The following APOOL variants were observed in gnomAD, a reference collection of about 807,000 sequenced individuals.
The protein encoded by APOOL is MICOS complex subunit MIC27.
A neutral mutation model predicts 23.1 loss-of-function variants in APOOL; 12 were observed. The ratio of observed to expected loss-of-function variants is 0.52; its 90% CI spans 0.33 to 0.84. The LOEUF is 0.84. APOOL is among the 40% of genes least tolerant of loss of function. APOOL has a pLI of 0.02. For missense variants in APOOL, 212 were observed against 199.6 expected (o/e 1.06, Z -0.37); for synonymous variants, 77 against 69.9 (o/e 1.10, Z -0.51).
chrX:85,059,690 C>G (rs2147652371), intron 5 of APOOL, among the ~76,000 whole-genome samples: 1 of 110,116 alleles, frequency 9.1e-6, no homozygotes, highest in African/African-American at 3.3e-5. Context: ...TGAGAAGTGT[C>G]TGTTCATATC....
chrX:85,032,618 A>G (rs1038688073), intron 1 of APOOL, among the ~76,000 whole-genome samples: 2 of 111,907 alleles, frequency 1.8e-5, no homozygotes, highest in Non-Finnish European at 1.9e-5. Context: ...TTGATCTAAG[A>G]TAAAATTTTG....
Position 85,074,356 on chromosome X carries a change from G to T in APOOL, c.683G>T (p.Ser228Ile). Reference sequence around the variant, plus strand: ...TCAGTGCCCTTGCCAACAGAACTCAGCTCTGAAGCAAAGACCAAATCAGAA... The same window carrying T: ...TCAGTGCCCTTGCCAACAGAACTCATCTCTGAAGCAAAGACCAAATCAGAA... ...KHSVPLPTEL[S>I]SEAKTKSEST... is the part of the protein sequence containing the mutation. The change falls in exon 8 of 9, where the codon AGC (serine) becomes ATC (isoleucine). Residue 228 changes from serine (S) to isoleucine (I), a missense_variant. Transcript: ENST00000373173. The T allele has an allele frequency of 8.3e-7, 1 of 1,211,080 alleles. No individual in the cohort carries two copies. Among genetic ancestry groups the T allele is most frequent in the Non-Finnish European group, 1.1e-6 (1 of 894,939 alleles).
intron 1 of APOOL, among the ~76,000 whole-genome samples, chrX:85,020,875 C>G (rs767078094): frequency 9.0e-6 from 1 of 111,537 alleles, no homozygotes; most frequent in Non-Finnish European, 1.9e-5. Flanking sequence ...TCCAGGCCTC[C>G]CTAGTGCTAG....
intron 1 of APOOL, among the ~76,000 whole-genome samples, chrX:85,019,640 T>C (rs974805398): frequency 9.0e-6 from 1 of 111,674 alleles, no homozygotes; most frequent in Non-Finnish European, 1.9e-5. Context: ...TGCTGTGGCA[T>C]TTGGGGACTG....
Position 85,067,152 on chromosome X carries a change from T to C in APOOL, c.420T>C (p.Tyr140=), listed in dbSNP as rs1466149505. 1 of 1,157,587 alleles carries C rather than the reference T, an allele frequency of 8.6e-7. No homozygotes were observed. The highest frequency in any genetic ancestry group is 1.2e-6 in the Non-Finnish European group (1 of 865,745). Residue 140 remains tyrosine (Y), a synonymous_variant, in exon 6 of 9, where the codon TAT becomes TAC. Coordinates refer to ENST00000373173, the MANE Select transcript of APOOL (RefSeq NM_198450.6). The part of the protein sequence containing the change: ...RKGSKFKKIT[Y]PLGLATLGAT... ...GTTCCAAGTTTAAGAAAATTACTTATCCTCTGGGACTGGCCACTTTAGGAG... is the reference window on the plus strand; with the variant it reads ...GTTCCAAGTTTAAGAAAATTACTTACCCTCTGGGACTGGCCACTTTAGGAG...
intron 5 of APOOL, among the ~76,000 whole-genome samples, chrX:85,056,739 A>G (rs1207542304): frequency 5.4e-5 from 6 of 111,467 alleles, no homozygotes; most frequent in Non-Finnish European, 9.4e-5. Flanking sequence ...GCGAAACTCC[A>G]TCTCAAAAAA....
intron 1 of APOOL, among the ~76,000 whole-genome samples, chrX:85,035,490 A>T (rs1195248092): frequency 9.0e-6 from 1 of 111,144 alleles, no homozygotes. Context: ...TTTTGTTGGA[A>T]TTGCTTTTGG....
At chrX:85,062,214 C>T (rs1413694130) in intron 5 of APOOL, among the ~76,000 whole-genome samples, 1 of 110,546 alleles carries the variant, frequency 9.0e-6, no homozygotes, top group Non-Finnish European at 1.9e-5. Flanking sequence ...AAATGGGGTT[C>T]TTAGTTTTTT....
At chrX:85,006,972 A>G (rs1443671388) in intron 1 of APOOL, among the ~76,000 whole-genome samples, 1 of 111,379 alleles carries the variant, frequency 9.0e-6, no homozygotes, top group Non-Finnish European at 1.9e-5. Flanking sequence ...GAGGAGACAC[A>G]CTTTGCTTCA....
intron 1 of APOOL, among the ~76,000 whole-genome samples, chrX:85,023,972 T>C (rs1226735244): frequency 8.9e-6 from 1 of 112,243 alleles, no homozygotes; most frequent in Non-Finnish European, 1.9e-5. Flanking sequence ...TTGTTGTTTG[T>C]TCCCTTATTT....
intron 5 of APOOL, among the ~76,000 whole-genome samples, chrX:85,062,367 G>A (rs1263415277): frequency 9.0e-6 from 1 of 111,362 alleles, no homozygotes; most frequent in Non-Finnish European, 1.9e-5. Flanking sequence ...AAGCTCTTTA[G>A]TTTAATTAGA....
At chrX:85,060,182 A>T (rs1232805711) in intron 5 of APOOL, among the ~76,000 whole-genome samples, 1 of 105,885 alleles carries the variant, frequency 9.4e-6, no homozygotes, top group Non-Finnish European at 1.9e-5. Context: ...AAGATCAGAT[A>T]GTTGTAGATA....
intron 8 of APOOL, among the ~76,000 whole-genome samples, chrX:85,077,016 T>C (rs113535423): frequency 0.032 from 3,009 of 95,249 alleles, 114 homozygotes; most frequent in African/African-American, 0.099. Flanking sequence ...TATATATATA[T>C]ACGTATATAT....
At chrX:85,015,978 G>C (rs1921457875) in intron 1 of APOOL, among the ~76,000 whole-genome samples, 1 of 110,975 alleles carries the variant, frequency 9.0e-6, no homozygotes, top group Non-Finnish European at 1.9e-5. Flanking sequence ...GGCTTTCCCT[G>C]ATGCTGGTTG....
At chrX:85,010,933 T>C (rs953293481) in intron 1 of APOOL, among the ~76,000 whole-genome samples, 4 of 112,184 alleles carry the variant, frequency 3.6e-5, no homozygotes, top group African/African-American at 1.3e-4. Context: ...CTGTTTTCCA[T>C]AGTGGTTGTA....
At chrX:85,008,659 A>G (rs1325190629) in intron 1 of APOOL, among the ~76,000 whole-genome samples, 1 of 109,396 alleles carries the variant, frequency 9.1e-6, no homozygotes, top group Non-Finnish European at 1.9e-5. Flanking sequence ...GCTGTTGTGA[A>G]TAATACTGCA....
chrX:85,045,192 A>G (rs1309936200), intron 1 of APOOL, among the ~76,000 whole-genome samples: 1 of 111,709 alleles, frequency 9.0e-6, no homozygotes, highest in Non-Finnish European at 1.9e-5. Context: ...TAAGGGATGC[A>G]TGTGCAGATA....
rs761168583 is a variant in APOOL, at chrX:85,066,294, GCTA to G, written c.395-832_395-830del. On this transcript the variant is annotated intron_variant, in intron 5 of 8. Transcript: ENST00000373173. ...TGAACCAACAATCTGTTGGAACTAA[GCTA>G]TGGCTTAAAGTGGTGGATTTCAAAC... Among the ~76,000 whole-genome samples the G allele has an allele frequency of 7.0e-3, 787 of 111,673 alleles. 9 individuals carry two copies. Among genetic ancestry groups the G allele is most frequent in the African/African-American group, 0.025 (755 of 30,799 alleles).
chrX:85,048,108 A>G (rs1275298777), intron 2 of APOOL, among the ~76,000 whole-genome samples: 1 of 111,269 alleles, frequency 9.0e-6, no homozygotes, highest in East Asian at 2.8e-4. Flanking sequence ...GGCATAAAAC[A>G]TTGATAATAT....
Sources: allele counts gnomAD v4.1 joint callset (sites outside exome capture counted in the v4.1 genomes callset), GRCh38; gene constraint gnomAD v4.1.1; transcripts MANE v1.5; gene names NCBI Gene and HGNC (gene_info 2026-07-23, HGNC 2026-07-21).